The following COL5A3 variants were observed in gnomAD, a reference collection of about 807,000 sequenced individuals.
COL5A3 encodes the protein collagen alpha-3(V) chain.
Under a neutral mutation model 250.0 loss-of-function variants are expected in COL5A3, and 172 were observed. The observed-to-expected ratio is 0.69, with a 90% CI of 0.61 to 0.78. The LOEUF (loss-of-function observed/expected upper bound fraction) is 0.78. Ranked by LOEUF, COL5A3 falls within the 30% of genes least tolerant of loss-of-function variation. The pLI, the probability that COL5A3 is intolerant of heterozygous loss-of-function variation, is 0.00. For synonymous variants in COL5A3, 937 were observed against 900.4 expected (o/e 1.04, Z -0.73); for missense variants, 2,340 against 2,334.4 (o/e 1.00, Z -0.05).
At chr19:9,986,651 G>A (rs2145109429) in intron 28 of COL5A3, 45 bp from the exon 29 acceptor site, 1 of 1,613,540 alleles carries the variant, frequency 6.2e-7, no homozygotes, top group Non-Finnish European at 8.5e-7. Flanking sequence ...CTCGGGGAAG[G>A]GACACAACCA....
intron 39 of COL5A3, 24 bp downstream of exon 39, chr19:9,979,108 G>T: frequency 6.6e-7 from 1 of 1,523,526 alleles, no homozygotes; most frequent in Non-Finnish European, 8.8e-7. Context: ...GTTCAACCAA[G>T]ATCTCCAGTG....
intron 1 of COL5A3, 81 bp downstream of exon 1, chr19:10,010,217 T>G: frequency 7.7e-5 from 18 of 232,918 alleles, no homozygotes; most frequent in Non-Finnish European, 1.2e-4. Context: ...TCCACGCCCC[T>G]CCACCCCCCT....
intron 4 of COL5A3, among the ~76,000 whole-genome samples, 177 bp from the exon 5 acceptor site, chr19:10,004,322 T>C (rs1255664828): frequency 6.6e-6 from 1 of 151,662 alleles, no homozygotes; most frequent in East Asian, 2.0e-4. Context: ...GTGATCTCTC[T>C]ACCCCCTGTA....
At chr19:9,986,689 T>C in intron 28 of COL5A3, 25 bp downstream of exon 28, 1 of 1,613,608 alleles carries the variant, frequency 6.2e-7, no homozygotes, top group Non-Finnish European at 8.5e-7. Flanking sequence ...CTCCCTCTCC[T>C]CTGATGAGTT....
rs1184915632 is a variant in COL5A3, at chr19:9,968,433, A to T, written c.4266T>A (p.Asp1422Glu). ...GTCCCTGCACGCCTGGCAACCCCTG[A>T]TCTCCTTTCTCACCAGCTTCTCCCG... ...GPPGEAGEKG[D>E]QGLPGVQGPP... The change falls in exon 59 of 67, where the codon GAT (aspartate) becomes GAA (glutamate). Residue 1422 changes from aspartate (D) to glutamate (E), a missense_variant. This residue lies in a region of COL5A3 where 1,179 missense variants were observed against 1,162.6 expected (regional missense o/e 1.01). Coordinates refer to ENST00000264828, the MANE Select transcript of COL5A3 (RefSeq NM_015719.4). This position sits in a 1 kb window ranked among gnomAD's most constrained non-coding sequence, Gnocchi z 4.1. 2 of 1,590,612 alleles carry T rather than the reference A, an allele frequency of 1.3e-6. No homozygotes were observed. Among genetic ancestry groups the T allele is most frequent in the Non-Finnish European group, 1.7e-6 (2 of 1,174,210 alleles).
chr19:9,969,479 G>A (rs1383803275), intron 56 of COL5A3, 77 bp from the exon 57 acceptor site: 1 of 1,590,132 alleles, frequency 6.3e-7, no homozygotes, highest in African/African-American at 1.4e-5. Flanking sequence ...CCATGCACCA[G>A]GGGCAGCCCC....
At chr19:9,967,535 TC>T (rs2086771657) in intron 61 of COL5A3, 135 bp from the exon 62 acceptor site, 7 of 644,570 alleles carry the variant, frequency 1.1e-5, no homozygotes, top group East Asian at 6.3e-5. Flanking sequence ...ACACACTCAC[TC>T]ACACACTCAC....
rs200202906 is a variant in COL5A3, at chr19:9,980,858, C to T, written c.2507G>A (p.Gly836Asp). ...PGLEGERGPP[G>D]SRGERGQPGA... ...CGGTTGCCCCCTCTCTCCACGGGAACCCTGAACAAAAAAAAAAGGCAAAGA... is the reference window on the plus strand; with the variant it reads ...CGGTTGCCCCCTCTCTCCACGGGAATCCTGAACAAAAAAAAAAGGCAAAGA... The change falls in exon 34 of 67, where the codon GGT becomes GAT. Residue 836 changes from glycine to aspartate, a missense_variant and splice_region_variant. This residue lies in a region of COL5A3 where 1,152 missense variants were observed against 1,146.3 expected (regional missense o/e 1.00). Coordinates refer to ENST00000264828, the MANE Select transcript of COL5A3 (RefSeq NM_015719.4). 20 of 1,608,172 alleles carry T rather than the reference C, an allele frequency of 1.2e-5. No individual in the cohort carries two copies. Among genetic ancestry groups the T allele is most frequent in the East Asian group, 1.1e-4 (5 of 44,566 alleles).
At chr19:9,977,945 T>TAC (rs1256495931) in intron 41 of COL5A3, among the ~76,000 whole-genome samples, 10 of 62,172 alleles carry the variant, frequency 1.6e-4, no homozygotes, top group Admixed American at 7.8e-4. Context: ...TGGCAGCCTA[T>TAC]ACATATATAT....
At chr19:9,970,189 G>A (rs1599533031) in intron 54 of COL5A3, among the ~76,000 whole-genome samples, 5 of 105,292 alleles carry the variant, frequency 4.7e-5, no homozygotes, top group African/African-American at 1.6e-4. Flanking sequence ...GGGTGAGTGG[G>A]GTCTGTGGGT....
intron 1 of COL5A3, among the ~76,000 whole-genome samples, chr19:10,008,347 T>G (rs1045488665): frequency 6.6e-6 from 1 of 151,888 alleles, no homozygotes; most frequent in African/African-American, 2.4e-5. Flanking sequence ...CCCTCTGGAA[T>G]GACCTTTCAG....
chr19:9,973,497 A>C (rs376399428), intron 50 of COL5A3, 73 bp downstream of exon 50: 503 of 1,483,644 alleles, frequency 3.4e-4, no homozygotes, highest in Non-Finnish European at 4.3e-4. Flanking sequence ...CCAGAGGTCA[A>C]AGTGGCCCAA....
Position 9,977,357 on chromosome 19 carries a change from C to G in COL5A3, c.3234+8G>C. The G allele has an allele frequency of 6.2e-7, 1 of 1,605,800 alleles. No homozygotes were observed. The highest frequency in any genetic ancestry group is 8.5e-7 in the Non-Finnish European group (1 of 1,174,072). ...CCCCTGGACCCTTCCTCTCTGTGAACCCCTCACCTTGTCCCCTTCCTCGCC... is the reference window on the plus strand; with the variant it reads ...CCCCTGGACCCTTCCTCTCTGTGAAGCCCTCACCTTGTCCCCTTCCTCGCC... On this transcript the variant is annotated splice_region_variant and intron_variant, in intron 43 of 66. Coordinates refer to ENST00000264828, the MANE Select transcript of COL5A3 (RefSeq NM_015719.4).
chr19:10,007,777 T>C (rs2087464471), intron 1 of COL5A3, among the ~76,000 whole-genome samples: 1 of 152,050 alleles, frequency 6.6e-6, no homozygotes, highest in Non-Finnish European at 1.5e-5. Context: ...AGAACCCTCA[T>C]TTTCCAGACT....
chr19:9,989,296 C>G, intron 26 of COL5A3, 26 bp downstream of exon 26: 1 of 1,614,160 alleles, frequency 6.2e-7, no homozygotes, highest in Non-Finnish European at 8.5e-7. Flanking sequence ...TCGTCCCCAA[C>G]CCAGCCTAAC....
chr19:9,987,935 A>G lies in COL5A3; in HGVS notation c.2146-1177T>C, dbSNP rs1599554355. 2.0e-5 allele frequency among the ~76,000 whole-genome samples: 3 copies of G among 152,014 alleles called. No homozygotes were observed. In the South Asian group the frequency reaches 6.2e-4, roughly 32 times the overall value. ...GGGCAACAGAGAAGACCCTGTCTCT[A>G]AAAAATAAAACATTTAGGGCCGGGT... On this transcript the variant is annotated intron_variant, in intron 27 of 66. Coordinates refer to ENST00000264828, the MANE Select transcript of COL5A3 (RefSeq NM_015719.4).
intron 15 of COL5A3, 23 bp from the exon 16 acceptor site, chr19:9,995,640 A>G (rs2087258113): frequency 1.3e-6 from 2 of 1,540,738 alleles, no homozygotes; most frequent in African/African-American, 2.8e-5. Context: ...AAAAAGGAGG[A>G]AGGAAAGGAA....
chr19:10,004,091 A>G lies in COL5A3; in HGVS notation c.649T>C (p.Cys217Arg). Residue 217 changes from cysteine to arginine, a missense_variant, in exon 5 of 67, where the codon TGT becomes CGT. Physicochemically the swap from Cys to Arg is radical, Grantham distance 180 (BLOSUM62 -3). This residue lies in a region of COL5A3 where 1,152 missense variants were observed against 1,146.3 expected (regional missense o/e 1.00). Transcript: ENST00000264828. The stretch of plus-strand genomic sequence containing the variant: ...TCACAGTCGGGGAGGTACCGCTCAC[A>G]AGCCTGGAAGGCAGCCTGAGGATCT... ...SPDPQAAFQA[C>R]ERYLPDCDNL... The G allele has an allele frequency of 1.2e-6, 2 of 1,614,046 alleles. No homozygotes were observed. Among genetic ancestry groups the G allele is most frequent in the East Asian group, 2.2e-5 (1 of 44,872 alleles).
rs1420643840 is a variant in COL5A3 at position 9,966,602 on chromosome 19, C to T, written c.4603G>A (p.Gly1535Ser). 1.3e-6 allele frequency: 2 copies of T among 1,540,162 alleles called. No homozygotes were observed. Among genetic ancestry groups the T allele is most frequent in the Non-Finnish European group, 1.7e-6 (2 of 1,147,084 alleles). Residue 1535 changes from glycine to serine, a missense_variant, in exon 63 of 67, where the codon GGC (glycine) becomes AGC (serine). By Grantham distance (56) the Gly-to-Ser change is moderately conservative (BLOSUM62 0). Coordinates refer to ENST00000264828, the MANE Select transcript of COL5A3 (RefSeq NM_015719.4). ...ACGAGGCCCGGGCGCTCCGCAGTGC[C>T]GGGAGGACGCCGCAGCTGCTCCAGC... is the stretch of plus-strand genomic sequence containing the variant. ...LELEQLRRPPGTAERPGLVCH... is the reference protein window; with the variant it reads ...LELEQLRRPPSTAERPGLVCH...
Sources: gnomAD v4.1 joint callset for allele counts (sites outside exome capture counted in the v4.1 genomes callset) on GRCh38, gnomAD v4.1.1 for gene constraint, gnomAD v4.1.1 regional missense constraint, Gnocchi (gnomAD v3.1) non-coding constraint, MANE v1.5 for transcripts, NCBI Gene and HGNC (gene_info 2026-07-23, HGNC 2026-07-21) for gene names.